KIAA1755: variants seen among roughly 807,000 people sequenced by gnomAD.
KIAA1755 encodes KIAA1755.
Under a neutral mutation model 91.7 loss-of-function variants are expected in KIAA1755, and 68 were observed. The observed-to-expected ratio is 0.74, with a 90% confidence interval of 0.61 to 0.91. The LOEUF (loss-of-function observed/expected upper bound fraction) is 0.91, where lower values mean the gene tolerates loss of function less well. Among genes scored for constraint, KIAA1755 ranks in the 40% least tolerant of loss-of-function variants. The pLI is 0.00. For missense variants in KIAA1755, 1,535 were observed against 1,494.4 expected, an observed-to-expected ratio of 1.03 and a Z score of -0.45; for synonymous variants, 610 against 604.6, an observed-to-expected ratio of 1.01 and a Z score of -0.13.
At position 38,241,824 on chromosome 20, in the gene KIAA1755, C is replaced by T; in HGVS notation, c.307G>A (p.Gly103Ser). ...APLNPLLLRQGDFYLQVEPQE... is the reference protein window; with the variant it reads ...APLNPLLLRQSDFYLQVEPQE... The stretch of plus-strand genomic sequence containing the variant: ...GGCTCCACTTGGAGGTAGAAGTCAC[C>T]CTGGCGCAATAAGAGAGGGTTGAGG... The change falls in exon 3 of 14, where the codon GGT becomes AGT. Residue 103 changes from glycine (G) to serine (S), a missense_variant. Transcript: ENST00000279024. The T allele has an allele frequency of 1.9e-6, 3 of 1,614,122 alleles. 1 individual carries two copies. In the South Asian group the frequency reaches 3.3e-5, roughly 18 times the overall value.
chr20:38,241,732 C>T lies in KIAA1755; in HGVS notation c.399G>A (p.Lys133=), dbSNP rs778633283. ...CLSLDLCTVD[K]KPVPEPAYPI... Reference sequence around the variant, plus strand: ...GGTAGGCTGGCTCTGGAACAGGCTTCTTGTCCACTGTGCAGAGGTCCAGGG... The same window carrying T: ...GGTAGGCTGGCTCTGGAACAGGCTTTTTGTCCACTGTGCAGAGGTCCAGGG... The change falls in exon 3 of 14, where the codon AAG becomes AAA. Residue 133 remains lysine (K), a synonymous_variant. Transcript: ENST00000279024. 1.9e-6 allele frequency: 3 copies of T among 1,614,104 alleles called. No individual in the cohort carries two copies. In the African/African-American group the frequency reaches 4.0e-5, roughly 22 times the overall value.
In KIAA1755 at chr20:38,240,803, G is replaced by A. The variant is rs756684685; in HGVS notation, c.1328C>T (p.Thr443Ile). ...GGGAAGTCTCCCATTTCTCTCTTTG[G>A]TCTTCACCTCTATCTTTGTTTCAGA... ...AASETKIEVKTKERNGRLPKP... is the reference protein window; with the variant it reads ...AASETKIEVKIKERNGRLPKP... Residue 443 changes from threonine to isoleucine, a missense_variant, in exon 3 of 14, where the codon ACC becomes ATC. Coordinates refer to ENST00000279024, the MANE Select transcript of KIAA1755 (RefSeq NM_001029864.2). 27 of 1,612,654 alleles carry A rather than the reference G, an allele frequency of 1.7e-5. No individual in the cohort carries two copies. The highest frequency in any genetic ancestry group is 2.0e-5 in the Non-Finnish European group (24 of 1,179,460).
rs6123522 is a variant in KIAA1755, at chr20:38,260,619, T to G, written c.-119A>C. 279,260 of 1,303,520 alleles carry G rather than the reference T, an allele frequency of 0.21. 32,108 individuals are homozygous for G. Among genetic ancestry groups the G allele is most frequent in the African/African-American group, 0.4 (26,486 of 65,510 alleles). 80.7% of individuals were successfully genotyped at this position (1,303,520 alleles called of 1,614,324 possible). ...CCCGCCTAGCCCTGGAGCCAGGGGA[T>G]AGGGCAGGCCCGGGGCACCGACCCC... is the stretch of plus-strand genomic sequence containing the variant. On this transcript the variant is annotated 5_prime_UTR_variant, in exon 1 of 14. Transcript: ENST00000279024.
At chr20:38,226,080 T>TA (rs2075752141) in intron 7 of KIAA1755, among the ~76,000 whole-genome samples, 1 of 152,196 alleles carries the variant, frequency 6.6e-6, no homozygotes. Flanking sequence ...TGAGCTTGGC[T>TA]CTTTCCCAGT....
intron 1 of KIAA1755, chr20:38,260,065 A>G: frequency 1.9e-6 from 1 of 520,346 alleles, no homozygotes; most frequent in Non-Finnish European, 2.9e-6. Flanking sequence ...CTCGCCCTGC[A>G]CTGCCTGGCT....
chr20:38,252,129 C>T (rs1235433893), intron 1 of KIAA1755, among the ~76,000 whole-genome samples: 1 of 152,174 alleles, frequency 6.6e-6, no homozygotes, highest in African/African-American at 2.4e-5. Context: ...AGATGGGATT[C>T]TGATTCCTAT....
chr20:38,239,498 C>T (rs1296102744), intron 4 of KIAA1755, 30 bp downstream of exon 4: 4 of 1,609,846 alleles, frequency 2.5e-6, no homozygotes, highest in East Asian at 2.2e-5. Flanking sequence ...AGCTCCCTCC[C>T]TACCACCTCC....
At position 38,241,342 on chromosome 20, in the gene KIAA1755, C is replaced by A. The variant is rs780015364; in HGVS notation, c.789G>T (p.Met263Ile). 3.2e-5 allele frequency: 51 copies of A among 1,614,098 alleles called. No homozygotes were observed. Among genetic ancestry groups the A allele is most frequent in the Non-Finnish European group, 4.0e-5 (47 of 1,180,046 alleles). ...QARCGEVAFR[M>I]DEVVSQDFEG... ...CGAAGTCCTGGCTGACCACCTCGTC[C>A]ATCCTGAAAGCCACCTCCCCACACC... Residue 263 changes from methionine (M) to isoleucine (I), a missense_variant, in exon 3 of 14, where the codon ATG becomes ATT. Coordinates refer to ENST00000279024, the MANE Select transcript of KIAA1755 (RefSeq NM_001029864.2).
At chr20:38,258,907 G>C (rs1484415219) in intron 1 of KIAA1755, among the ~76,000 whole-genome samples, 1 of 152,196 alleles carries the variant, frequency 6.6e-6, no homozygotes, top group Non-Finnish European at 1.5e-5. Context: ...AGGATCTGGG[G>C]TTCAATGAGG....
chr20:38,227,056 C>A, intron 7 of KIAA1755, 98 bp downstream of exon 7: 1 of 840,816 alleles, frequency 1.2e-6, no homozygotes, highest in South Asian at 1.6e-5. Context: ...CAGGCCTCTT[C>A]TAGCTCATGA....
chr20:38,217,380 G>A lies in KIAA1755; in HGVS notation c.2774C>T (p.Pro925Leu). Reference protein sequence around the residue: ...GAGEAERAEFPELAAFASTQR... With the variant: ...GAGEAERAEFLELAAFASTQR... ...GGTAGAGGCAAAGGCTGCCAGCTCTGGGAACTCTGCACGTTCTGCCTCCCC... is the reference window on the plus strand; with the variant it reads ...GGTAGAGGCAAAGGCTGCCAGCTCTAGGAACTCTGCACGTTCTGCCTCCCC... The change falls in exon 13 of 14, where the codon CCA (proline) becomes CTA (leucine). Residue 925 changes from proline (P) to leucine (L), a missense_variant. Pro to Leu is a moderately conservative substitution (Grantham distance 98). Coordinates refer to ENST00000279024, the MANE Select transcript of KIAA1755 (RefSeq NM_001029864.2). The A allele has an allele frequency of 6.2e-7, 1 of 1,613,490 alleles. No homozygotes were observed. The highest frequency in any genetic ancestry group is 8.5e-7 in the Non-Finnish European group (1 of 1,179,798).
At position 38,213,152 on chromosome 20, in the gene KIAA1755, T is replaced by C; in HGVS notation, c.3493A>G (p.Arg1165Gly). The C allele has an allele frequency of 1.2e-6, 2 of 1,613,518 alleles. No individual in the cohort carries two copies. The highest frequency in any genetic ancestry group is 8.5e-7 in the Non-Finnish European group (1 of 1,179,776). The change falls in exon 14 of 14, where the codon AGG becomes GGG. Residue 1165 changes from arginine to glycine, a missense_variant. Transcript: ENST00000279024. ...GTGAGGCGAGGGACCTGGCTCTGCC[T>C]GGGGGGCTGCTGCCGGAAGAAGGTG... Reference protein sequence around the residue: ...ATTFFRQQPPRQSQVPRLTGG... With the variant: ...ATTFFRQQPPGQSQVPRLTGG...
At position 38,246,049 on chromosome 20, in the gene KIAA1755, G is replaced by T. The variant is rs777141683; in HGVS notation, c.81C>A (p.Thr27=). 1 of 1,614,160 alleles carries T rather than the reference G, an allele frequency of 6.2e-7. No individual in the cohort carries two copies. The highest frequency in any genetic ancestry group is 1.7e-5 in the Admixed American group (1 of 60,030). The change falls in exon 2 of 14, where the codon ACC becomes ACA. Residue 27 remains threonine, a synonymous_variant. Coordinates refer to ENST00000279024, the MANE Select transcript of KIAA1755 (RefSeq NM_001029864.2). ...LYPPFEATAP[T]VLGQVFRLLD... ...GGAGACGGAACACCTGACCCAGGAC[G>T]GTGGGTGCTGTGGCCTCGAAAGGAG...
Position 38,212,961 on chromosome 20 carries a change from G to A in KIAA1755, c.*81C>T. 9.0e-7 allele frequency: 1 copy of A among 1,112,248 alleles called. No homozygotes were observed. 68.9% of individuals were successfully genotyped at this position (1,112,248 alleles called of 1,614,324 possible). On this transcript the variant is annotated 3_prime_UTR_variant, in exon 14 of 14. Transcript: ENST00000279024. Reference sequence around the variant, plus strand: ...TCCATGGTGACGTCTCACTGGGACTGACCAGAGCTCCCAGCTACCCCTCCA... The same window carrying A: ...TCCATGGTGACGTCTCACTGGGACTAACCAGAGCTCCCAGCTACCCCTCCA...
intron 13 of KIAA1755, among the ~76,000 whole-genome samples, chr20:38,215,850 A>G (rs1042507367): frequency 9.9e-5 from 15 of 152,146 alleles, no homozygotes; most frequent in Middle Eastern, 3.2e-3. Flanking sequence ...GTTAATAACA[A>G]TTCTGAATTT....
At position 38,241,110 on chromosome 20, in the gene KIAA1755, C is replaced by A. The variant is rs2076052967; in HGVS notation, c.1021G>T (p.Glu341Ter). The change falls in exon 3 of 14, where the codon GAA (glutamate) becomes TAA (stop). Residue 341 changes from glutamate (E) to a stop codon, truncating the protein, a stop_gained. Coordinates refer to ENST00000279024, the MANE Select transcript of KIAA1755 (RefSeq NM_001029864.2). LOFTEE classifies it high-confidence loss of function. Reference protein sequence around the residue: ...SLGNRACTKPESSEERPYNLG... With the variant: ...SLGNRACTKP The stretch of plus-strand genomic sequence containing the variant: ...TTATAGGGCCTCTCCTCAGAGCTTT[C>A]TGGCTTTGTGCAAGCCCGATTTCCC... The A allele has an allele frequency of 6.2e-7, 1 of 1,614,134 alleles. No homozygotes were observed. The highest frequency in any genetic ancestry group is 8.5e-7 in the Non-Finnish European group (1 of 1,180,006).
intron 11 of KIAA1755, among the ~76,000 whole-genome samples, chr20:38,218,727 G>A (rs970038675): frequency 7.2e-5 from 11 of 152,162 alleles, no homozygotes; most frequent in Admixed American, 1.3e-4. Context: ...CTCCCTGTTC[G>A]GGTGTGTGTG....
intron 1 of KIAA1755, among the ~76,000 whole-genome samples, chr20:38,259,935 T>C (rs371858267): frequency 1.1e-3 from 169 of 151,932 alleles, no homozygotes; most frequent in African/African-American, 3.8e-3. Flanking sequence ...CCAATTCCCA[T>C]GGAAGCACCC....
intron 13 of KIAA1755, among the ~76,000 whole-genome samples, chr20:38,215,272 C>T (rs1461000993): frequency 6.6e-6 from 1 of 152,224 alleles, no homozygotes; most frequent in African/African-American, 2.4e-5. Flanking sequence ...GTCAGGGTTG[C>T]TACCTCCCCC....
Sources: gnomAD v4.1 joint callset for allele counts (sites outside exome capture counted in the v4.1 genomes callset) on GRCh38, gnomAD v4.1.1 for gene constraint, MANE v1.5 for transcripts, NCBI Gene and HGNC (gene_info 2026-07-23, HGNC 2026-07-21) for gene names.